LSAMP: variants seen among roughly 807,000 people sequenced by gnomAD.
LSAMP encodes the protein limbic system-associated membrane protein.
In LSAMP, 7 loss-of-function variants were observed where a neutral mutation model predicts 38.6. The observed-to-expected ratio is 0.18, with a 90% CI of 0.10 to 0.34. The LOEUF (loss-of-function observed/expected upper bound fraction) is 0.34, where lower values mean the gene tolerates loss of function less well. Among genes scored for constraint, LSAMP ranks in the 10% least tolerant of loss-of-function variants. The probability of loss-of-function intolerance (pLI) is 1.00; values close to 1 mark genes in which losing one functional copy is unlikely to be tolerated. For missense variants in LSAMP, 313 were observed against 420.0 expected (o/e 0.75, Z 2.23); for synonymous variants, 154 against 166.8 (o/e 0.92, Z 0.59).
At chr3:116,226,600 G>A (rs900095885) in intron 1 of LSAMP, among the ~76,000 whole-genome samples, 1 of 152,192 alleles carries the variant, frequency 6.6e-6, no homozygotes, top group African/African-American at 2.4e-5. Flanking sequence ...TTTAACATTG[G>A]TTGTTCATCT....
intron 1 of LSAMP, among the ~76,000 whole-genome samples, chr3:116,302,897 T>TGTAA (rs2047432944): frequency 6.6e-6 from 1 of 152,180 alleles, no homozygotes; most frequent in African/African-American, 2.4e-5. Context: ...AGGACTAGCC[T>TGTAA]GTAAGTTAGT....
At chr3:116,038,109 C>A (rs1941088028) in intron 2 of LSAMP, among the ~76,000 whole-genome samples, 1 of 152,110 alleles carries the variant, frequency 6.6e-6, no homozygotes, top group Admixed American at 6.6e-5. Context: ...GGTGGTTAGA[C>A]ACTGGGTTTC....
intron 3 of LSAMP, among the ~76,000 whole-genome samples, chr3:115,980,917 A>G (rs1939340169): frequency 6.6e-6 from 1 of 152,074 alleles, no homozygotes; most frequent in African/African-American, 2.4e-5. Flanking sequence ...TTTTTAACTT[A>G]CAGTGTCAGT....
chr3:116,262,338 C>T (rs2046835911), intron 1 of LSAMP, among the ~76,000 whole-genome samples: 1 of 152,118 alleles, frequency 6.6e-6, no homozygotes, highest in African/African-American at 2.4e-5. Context: ...AGATCCTAGA[C>T]TGTGATGTGA....
chr3:115,848,825 G>A (rs1935241175), intron 4 of LSAMP, among the ~76,000 whole-genome samples: 1 of 152,176 alleles, frequency 6.6e-6, no homozygotes, highest in Non-Finnish European at 1.5e-5. Flanking sequence ...AATGGGGCGG[G>A]GACAGGCTTG....
intron 1 of LSAMP, among the ~76,000 whole-genome samples, chr3:116,352,367 C>T (rs942351569): frequency 2.0e-5 from 3 of 152,034 alleles, no homozygotes; most frequent in African/African-American, 7.2e-5. Context: ...TGCCATTCAA[C>T]CCTAACTTAC....
At chr3:116,209,618 G>A (rs1217907384) in intron 1 of LSAMP, among the ~76,000 whole-genome samples, 1 of 152,176 alleles carries the variant, frequency 6.6e-6, no homozygotes, top group Non-Finnish European at 1.5e-5. Context: ...GGGGGGCTTT[G>A]ATGTCGGAGA....
At chr3:116,107,468 G>T (rs993283954) in intron 1 of LSAMP, among the ~76,000 whole-genome samples, 1 of 152,192 alleles carries the variant, frequency 6.6e-6, no homozygotes, top group Non-Finnish European at 1.5e-5. Flanking sequence ...AGGCTACAGG[G>T]TGCGGTCCTG....
intron 1 of LSAMP, among the ~76,000 whole-genome samples, chr3:116,380,145 T>C (rs957164885): frequency 6.6e-5 from 10 of 151,766 alleles, no homozygotes; most frequent in Admixed American, 4.6e-4. Flanking sequence ...GGTTTTCCCA[T>C]TGGTAAAAAA....
chr3:116,436,539 T>C (rs1233523649), intron 1 of LSAMP, among the ~76,000 whole-genome samples: 2 of 152,060 alleles, frequency 1.3e-5, no homozygotes, highest in African/African-American at 4.8e-5. Flanking sequence ...AGGATGTGAA[T>C]AGACAATTCT....
chr3:115,913,821 T>C (rs1937186419), intron 3 of LSAMP, among the ~76,000 whole-genome samples: 1 of 152,144 alleles, frequency 6.6e-6, no homozygotes, highest in Non-Finnish European at 1.5e-5. Context: ...GTGTCCCAAG[T>C]GCCTACCATG....
At chr3:116,271,930 A>C (rs990617599) in intron 1 of LSAMP, among the ~76,000 whole-genome samples, 1 of 152,110 alleles carries the variant, frequency 6.6e-6, no homozygotes, top group African/African-American at 2.4e-5. Context: ...AAGTGAATAA[A>C]AAAATAATAT....
At chr3:116,359,599 G>T (rs1057006924) in intron 1 of LSAMP, among the ~76,000 whole-genome samples, 1 of 152,154 alleles carries the variant, frequency 6.6e-6, no homozygotes, top group African/African-American at 2.4e-5. Context: ...TAAGTTCAGG[G>T]GTACATGTGC....
intron 1 of LSAMP, among the ~76,000 whole-genome samples, chr3:116,324,146 T>C (rs1381009488): frequency 6.6e-6 from 1 of 152,140 alleles, no homozygotes; most frequent in Non-Finnish European, 1.5e-5. Context: ...GAAATTACTA[T>C]TGGAAAGTAA....
At chr3:116,198,804 G>A (rs2045949890) in intron 1 of LSAMP, among the ~76,000 whole-genome samples, 3 of 136,896 alleles carry the variant, frequency 2.2e-5, no homozygotes, top group South Asian at 4.8e-4. Flanking sequence ...TGGACTGGGC[G>A]CAGCGGCTCA....
chr3:115,992,716 TA>T (rs1939706793), intron 3 of LSAMP, among the ~76,000 whole-genome samples: 1 of 152,086 alleles, frequency 6.6e-6, no homozygotes, highest in Non-Finnish European at 1.5e-5. Flanking sequence ...TAAAGATGAC[TA>T]AAGGGTAATA....
chr3:115,869,963 C>T (rs1935980884), intron 3 of LSAMP, among the ~76,000 whole-genome samples: 3 of 151,792 alleles, frequency 2.0e-5, no homozygotes, highest in Admixed American at 1.3e-4. Flanking sequence ...GTCCCATGAG[C>T]CAAATTTGAT....
intron 1 of LSAMP, among the ~76,000 whole-genome samples, chr3:116,266,236 T>C (rs2046890344): frequency 6.6e-6 from 1 of 152,214 alleles, no homozygotes; most frequent in African/African-American, 2.4e-5. Context: ...AAAAGCAGGA[T>C]GCTTGTGTAT....
intron 3 of LSAMP, among the ~76,000 whole-genome samples, chr3:115,880,639 C>A (rs1035270870): frequency 6.6e-6 from 1 of 152,006 alleles, no homozygotes; most frequent in Non-Finnish European, 1.5e-5. Flanking sequence ...ATTAATGTAA[C>A]CACTGAGTAA....
Sources: gnomAD v4.1 joint callset for allele counts (sites outside exome capture counted in the v4.1 genomes callset) on GRCh38, gnomAD v4.1.1 for gene constraint, MANE v1.5 for transcripts, NCBI Gene and HGNC (gene_info 2026-07-23, HGNC 2026-07-21) for gene names.